FER: variants seen among roughly 807,000 people sequenced by gnomAD.
The protein encoded by FER is tyrosine-protein kinase Fer.
A neutral mutation model predicts 111.0 loss-of-function variants in FER; 63 were observed. That is an observed-to-expected ratio of 0.57 (90% CI 0.46 to 0.70). FER has a LOEUF of 0.70. Among genes scored for constraint, FER ranks in the 30% least tolerant of loss-of-function variants. FER has a pLI of 0.00. For missense variants in FER, 914 were observed against 954.0 expected (o/e 0.96, Z 0.55); for synonymous variants, 327 against 313.9 (o/e 1.04, Z -0.44).
intron 16 of FER, among the ~76,000 whole-genome samples, chr5:109,064,648 C>G (rs1051788872): frequency 6.6e-6 from 1 of 152,126 alleles, no homozygotes; most frequent in Non-Finnish European, 1.5e-5. Flanking sequence ...ATGTTCTGAG[C>G]TTCGATGGCA....
intron 13 of FER, among the ~76,000 whole-genome samples, chr5:109,005,487 A>G (rs1561759066): frequency 6.6e-6 from 1 of 152,174 alleles, no homozygotes; most frequent in Non-Finnish European, 1.5e-5. Flanking sequence ...GTATATATGT[A>G]TAAGCATGTG....
At chr5:108,875,200 T>C (rs1285646029) in intron 8 of FER, among the ~76,000 whole-genome samples, 3 of 152,194 alleles carry the variant, frequency 2.0e-5, no homozygotes, top group Non-Finnish European at 4.4e-5. Flanking sequence ...ATTTTTTGGA[T>C]GGTATCTTAC....
intron 13 of FER, among the ~76,000 whole-genome samples, chr5:109,020,406 A>G (rs1371863477): frequency 1.3e-5 from 2 of 151,994 alleles, no homozygotes; most frequent in African/African-American, 2.4e-5. Context: ...TTTTTTAAAG[A>G]ATCTTCTAAA....
At chr5:108,941,787 A>G (rs936493035) in intron 10 of FER, among the ~76,000 whole-genome samples, 1 of 152,162 alleles carries the variant, frequency 6.6e-6, no homozygotes, top group Non-Finnish European at 1.5e-5. Context: ...CAAAAAACGT[A>G]TTTTGGTGAA....
At chr5:109,139,872 A>T (rs994912533) in intron 17 of FER, among the ~76,000 whole-genome samples, 2 of 152,142 alleles carry the variant, frequency 1.3e-5, no homozygotes, top group Non-Finnish European at 2.9e-5. Context: ...CAGGATCTAC[A>T]CCGTGCTAGA....
chr5:108,759,006 A>G (rs1751423652), intron 1 of FER, among the ~76,000 whole-genome samples: 1 of 152,160 alleles, frequency 6.6e-6, no homozygotes, highest in African/African-American at 2.4e-5. Context: ...CAACTAAGAG[A>G]TTTGTTTAAG....
chr5:108,756,865 A>G (rs943557480), intron 1 of FER, among the ~76,000 whole-genome samples: 1 of 152,172 alleles, frequency 6.6e-6, no homozygotes, highest in Non-Finnish European at 1.5e-5. Flanking sequence ...AGTTTCTGTC[A>G]ATATAAGTCT....
intron 13 of FER, among the ~76,000 whole-genome samples, chr5:109,014,601 T>C (rs1412427763): frequency 6.6e-6 from 1 of 152,174 alleles, no homozygotes; most frequent in Non-Finnish European, 1.5e-5. Flanking sequence ...TGAAGTAGTT[T>C]TTTCCAATTC....
chr5:109,065,017 T>C (rs369493571), intron 16 of FER, among the ~76,000 whole-genome samples: 1 of 152,126 alleles, frequency 6.6e-6, no homozygotes, highest in East Asian at 1.9e-4. Context: ...TTGATGCAAA[T>C]GTTAGAGGTG....
chr5:109,009,425 G>A (rs1169571318), intron 13 of FER, among the ~76,000 whole-genome samples: 1 of 151,902 alleles, frequency 6.6e-6, no homozygotes, highest in African/African-American at 2.4e-5. Context: ...TCTCATCAGC[G>A]ACCTATTAGA....
chr5:108,861,076 G>T (rs1763471972), intron 5 of FER, among the ~76,000 whole-genome samples: 1 of 152,140 alleles, frequency 6.6e-6, no homozygotes, highest in Non-Finnish European at 1.5e-5. Flanking sequence ...TTTGGGTGGG[G>T]ACATAGAGCC....
intron 5 of FER, among the ~76,000 whole-genome samples, chr5:108,855,890 T>A (rs950928719): frequency 4.7e-5 from 7 of 149,818 alleles, no homozygotes; most frequent in African/African-American, 1.7e-4. Flanking sequence ...AGTTTTGCGG[T>A]AAAGGGGAGG....
chr5:108,907,589 G>C (rs1253131001), intron 10 of FER, among the ~76,000 whole-genome samples: 2 of 151,750 alleles, frequency 1.3e-5, no homozygotes, highest in East Asian at 1.9e-4. Flanking sequence ...CCCTGGGCCC[G>C]GCCACAGTTA....
intron 16 of FER, chr5:109,051,702 C>A: frequency 7.0e-6 from 11 of 1,568,800 alleles, no homozygotes; most frequent in Non-Finnish European, 9.7e-6. Context: ...CGGGGCTCAG[C>A]GGGCCAGTGG....
intron 17 of FER, among the ~76,000 whole-genome samples, chr5:109,167,850 T>A (rs1450867172): frequency 6.6e-6 from 1 of 152,140 alleles, no homozygotes; most frequent in African/African-American, 2.4e-5. Flanking sequence ...TCAAACCTAG[T>A]GTCCCTTCCA....
At chr5:108,896,959 G>A (rs1421283243) in intron 9 of FER, among the ~76,000 whole-genome samples, 2 of 152,094 alleles carry the variant, frequency 1.3e-5, no homozygotes, top group Non-Finnish European at 2.9e-5. Flanking sequence ...CTGTTTACAC[G>A]TGGCTTCAAT....
chr5:108,925,191 A>G (rs899562173), intron 10 of FER, among the ~76,000 whole-genome samples: 1 of 151,498 alleles, frequency 6.6e-6, no homozygotes, highest in Non-Finnish European at 1.5e-5. Flanking sequence ...AGATGATATT[A>G]AGATTTCTAT....
chr5:108,929,180 A>G (rs1754208562), intron 10 of FER, among the ~76,000 whole-genome samples: 1 of 152,142 alleles, frequency 6.6e-6, no homozygotes, highest in Non-Finnish European at 1.5e-5. Flanking sequence ...AAAGGTATAT[A>G]TCCTGCAGTA....
At chr5:109,102,680 T>C (rs769195463) in intron 17 of FER, among the ~76,000 whole-genome samples, 2 of 152,286 alleles carry the variant, frequency 1.3e-5, no homozygotes, top group South Asian at 2.1e-4. Context: ...AACTATCTGG[T>C]TTCTTATTTC....
Sources: allele counts gnomAD v4.1 joint callset (sites outside exome capture counted in the v4.1 genomes callset), GRCh38; gene constraint gnomAD v4.1.1; transcripts MANE v1.5; gene names NCBI Gene and HGNC (gene_info 2026-07-23, HGNC 2026-07-21).